Variants in NPSR1 observed in about 807,000 individuals in gnomAD.
NPSR1 encodes neuropeptide S receptor.
In NPSR1, 48 loss-of-function variants were observed where a neutral mutation model predicts 46.9. That is an observed-to-expected ratio of 1.02 (90% CI 0.81 to 1.30). The LOEUF is 1.30. Among genes scored for constraint, NPSR1 ranks in the 50% most tolerant of loss-of-function variants. The pLI is 0.00. For missense variants in NPSR1, 450 were observed against 449.5 expected, an observed-to-expected ratio of 1.00 and a Z score of -0.01; for synonymous variants, 176 against 168.1, an observed-to-expected ratio of 1.05 and a Z score of -0.36.
chr7:34,664,127 T>A (rs1791614338), intron 1 of NPSR1, among the ~76,000 whole-genome samples: 1 of 152,204 alleles, frequency 6.6e-6, no homozygotes, highest in African/African-American at 2.4e-5. Context: ...GACCTCTCAG[T>A]CCCCCAAGTA....
chr7:34,792,715 T>TTTA (rs1554331562), intron 3 of NPSR1, among the ~76,000 whole-genome samples: 2 of 98,920 alleles, frequency 2.0e-5, no homozygotes, highest in East Asian at 3.0e-4. Flanking sequence ...ATATATATAT[T>TTTA]TATATATATA....
At position 34,751,719 on chromosome 7, in the gene NPSR1, C is replaced by G. The variant is rs1243908344; in HGVS notation, c.281-26743C>G. The stretch of plus-strand genomic sequence containing the variant: ...AAGTGGGGAGCATTGTGGGAGACTC[C>G]TTCGGGTCCCCCTGACTGGTTCTCT... On this transcript the variant is annotated intron_variant, in intron 2 of 8. Transcript: ENST00000360581. 7 of 1,583,606 alleles carry G rather than the reference C, an allele frequency of 4.4e-6. No individual in the cohort carries two copies. The Admixed American group carries it at 1.2e-4, about 26-fold the overall frequency.
At chr7:34,784,554 A>C (rs1417778300) in intron 3 of NPSR1, among the ~76,000 whole-genome samples, 2 of 152,138 alleles carry the variant, frequency 1.3e-5, no homozygotes, top group Admixed American at 6.6e-5. Context: ...ATGGTGGATA[A>C]GCTTTTTGAT....
chr7:34,856,357 T>C (rs1055542061), intron 8 of NPSR1, among the ~76,000 whole-genome samples: 12 of 151,758 alleles, frequency 7.9e-5, no homozygotes, highest in African/African-American at 2.2e-4. Context: ...AAAAATTTAA[T>C]TTTTAAAGTT....
At chr7:34,702,447 T>C (rs539879187) in intron 2 of NPSR1, among the ~76,000 whole-genome samples, 5 of 152,370 alleles carry the variant, frequency 3.3e-5, no homozygotes, top group Admixed American at 3.3e-4. Flanking sequence ...GAACAGTCTC[T>C]GGCATAGCTT....
chr7:34,739,115 TTA>T (rs1299069123), intron 2 of NPSR1, among the ~76,000 whole-genome samples: 2 of 152,264 alleles, frequency 1.3e-5, no homozygotes, highest in Non-Finnish European at 2.9e-5. Flanking sequence ...TTATTACATA[TTA>T]TGTTTTATTT....
intron 2 of NPSR1, among the ~76,000 whole-genome samples, chr7:34,744,499 C>T (rs895351398): frequency 6.6e-6 from 1 of 152,158 alleles, no homozygotes; most frequent in Admixed American, 6.5e-5. Context: ...GACTTTCTGG[C>T]ACCTAGCAGG....
At chr7:34,694,706 CA>C (rs1299745217) in intron 2 of NPSR1, among the ~76,000 whole-genome samples, 1 of 152,044 alleles carries the variant, frequency 6.6e-6, no homozygotes, top group Non-Finnish European at 1.5e-5. Flanking sequence ...CCTGAATAGC[CA>C]AAGTAATTCT....
At chr7:34,830,510 T>C (rs1790067972) in intron 5 of NPSR1, among the ~76,000 whole-genome samples, 1 of 152,370 alleles carries the variant, frequency 6.6e-6, no homozygotes, top group African/African-American at 2.4e-5. Context: ...TTGAAAGTAA[T>C]GCCACTTTTC....
exon 9 of NPSR1, chr7:34,878,287 G>A: frequency 1.6e-6 from 1 of 616,826 alleles, no homozygotes; most frequent in Middle Eastern, 4.4e-4. Context: ...GTCACAGCAG[G>A]ATGGCCTGCA....
intron 4 of NPSR1, among the ~76,000 whole-genome samples, chr7:34,823,911 C>G (rs995202130): frequency 2.6e-5 from 4 of 152,136 alleles, no homozygotes; most frequent in Non-Finnish European, 1.5e-5. Flanking sequence ...GTCTCAGTTT[C>G]AACCAAAGAT....
At chr7:34,683,664 A>G (rs1295782403) in intron 1 of NPSR1, among the ~76,000 whole-genome samples, 1 of 152,080 alleles carries the variant, frequency 6.6e-6, no homozygotes. Flanking sequence ...GCATCATTCC[A>G]TGGCAGAAAG....
intron 5 of NPSR1, among the ~76,000 whole-genome samples, chr7:34,830,504 A>C (rs73094704): frequency 0.13 from 19,165 of 152,220 alleles, 1,542 homozygotes; most frequent in South Asian, 0.19. Context: ...TTGCCATTGA[A>C]AGTAATGCCA....
chr7:34,728,467 C>A (rs1430741035), intron 2 of NPSR1, among the ~76,000 whole-genome samples: 1 of 152,196 alleles, frequency 6.6e-6, no homozygotes, highest in Non-Finnish European at 1.5e-5. Flanking sequence ...TGCCTCATCC[C>A]CCGACAAAGC....
At chr7:34,794,252 T>C (rs935460792) in intron 3 of NPSR1, among the ~76,000 whole-genome samples, 1 of 152,150 alleles carries the variant, frequency 6.6e-6, no homozygotes, top group African/African-American at 2.4e-5. Flanking sequence ...AAATGATAAA[T>C]GTTTAAGATG....
At chr7:34,673,942 C>T (rs887022007) in intron 1 of NPSR1, among the ~76,000 whole-genome samples, 9 of 152,084 alleles carry the variant, frequency 5.9e-5, no homozygotes, top group African/African-American at 1.7e-4. Flanking sequence ...AACAGGAGGT[C>T]GTGATGACAA....
intron 2 of NPSR1, among the ~76,000 whole-genome samples, chr7:34,756,255 A>C (rs985155229): frequency 1.3e-5 from 2 of 152,232 alleles, no homozygotes; most frequent in Non-Finnish European, 2.9e-5. Flanking sequence ...ATTTTTGTTA[A>C]GATGAAAGAA....
At chr7:34,790,731 T>TTC (rs1787716736) in intron 3 of NPSR1, among the ~76,000 whole-genome samples, 1 of 131,004 alleles carries the variant, frequency 7.6e-6, no homozygotes, top group South Asian at 2.2e-4. Context: ...ATGTTATATG[T>TTC]TATATGTTAT....
chr7:34,832,893 A>C (rs186373793), intron 5 of NPSR1, among the ~76,000 whole-genome samples: 29 of 152,316 alleles, frequency 1.9e-4, no homozygotes, highest in African/African-American at 7.0e-4. Context: ...TCTAGCAAAT[A>C]GTCAACTTAG....
Sources: gnomAD v4.1 joint callset for allele counts (sites outside exome capture counted in the v4.1 genomes callset) on GRCh38, gnomAD v4.1.1 for gene constraint, MANE v1.5 for transcripts, NCBI Gene and HGNC (gene_info 2026-07-23, HGNC 2026-07-21) for gene names.